Variants in BCKDHB observed in about 807,000 individuals in gnomAD.
The protein encoded by BCKDHB is 2-oxoisovalerate dehydrogenase subunit beta, mitochondrial.
Under a neutral mutation model 48.5 loss-of-function variants are expected in BCKDHB, and 41 were observed. That is an observed-to-expected ratio of 0.85 (90% CI 0.66 to 1.10). The LOEUF (loss-of-function observed/expected upper bound fraction) is 1.10. BCKDHB is among the 50% of genes least tolerant of loss of function. The pLI is 0.00. For synonymous variants in BCKDHB, 201 were observed against 174.8 expected, an observed-to-expected ratio of 1.15 and a Z score of -1.18; for missense variants, 496 against 494.2, an observed-to-expected ratio of 1.00 and a Z score of -0.03.
At chr6:80,278,588 C>T (rs1235132469) in intron 9 of BCKDHB, among the ~76,000 whole-genome samples, 1 of 152,136 alleles carries the variant, frequency 6.6e-6, no homozygotes, top group Non-Finnish European at 1.5e-5. Context: ...GAGAGGGAGT[C>T]TCGCTCTGTC....
At chr6:80,386,102 C>G in the BCKDHB span, among the ~76,000 whole-genome samples, 1 of 152,146 alleles carries the variant, frequency 6.6e-6, no homozygotes, top group Non-Finnish European at 1.5e-5. Flanking sequence ...GGATTAGTCA[C>G]TTTAGACAGA....
the BCKDHB span, among the ~76,000 whole-genome samples, chr6:80,354,564 T>A: frequency 2.1e-3 from 322 of 152,198 alleles, no homozygotes; most frequent in Middle Eastern, 0.014. Context: ...ACTTTTGAGG[T>A]CTTAGTCATA....
the BCKDHB span, among the ~76,000 whole-genome samples, chr6:80,362,320 G>C: frequency 2.6e-5 from 4 of 152,182 alleles, no homozygotes; most frequent in African/African-American, 9.7e-5. Context: ...AGCCAGGATA[G>C]TAGAACTTGT....
chr6:80,199,023 T>C (rs1457714698), intron 6 of BCKDHB, among the ~76,000 whole-genome samples: 1 of 152,170 alleles, frequency 6.6e-6, no homozygotes, highest in Non-Finnish European at 1.5e-5. Flanking sequence ...GTTAGCAGTA[T>C]TCCAGAATGA....
At chr6:80,413,373 G>T in the BCKDHB span, among the ~76,000 whole-genome samples, 1 of 152,056 alleles carries the variant, frequency 6.6e-6, no homozygotes, top group Non-Finnish European at 1.5e-5. Flanking sequence ...ATGGAGGTTT[G>T]TTTTACATAT....
At chr6:80,367,966 C>G in the BCKDHB span, among the ~76,000 whole-genome samples, 2 of 152,228 alleles carry the variant, frequency 1.3e-5, no homozygotes, top group Non-Finnish European at 2.9e-5. Flanking sequence ...TAGCATTACA[C>G]TGAACTTGGA....
chr6:80,397,734 T>C, the BCKDHB span, among the ~76,000 whole-genome samples: 1 of 152,018 alleles, frequency 6.6e-6, no homozygotes, highest in Non-Finnish European at 1.5e-5. Context: ...ATACAAAAAT[T>C]AGCCAGGCAT....
chr6:80,195,147 G>A (rs958737889), intron 6 of BCKDHB, among the ~76,000 whole-genome samples: 3 of 151,496 alleles, frequency 2.0e-5, no homozygotes, highest in African/African-American at 4.8e-5. Flanking sequence ...TCTTGCCAGC[G>A]TGGACAATTC....
chr6:80,449,371 A>C, the BCKDHB span, among the ~76,000 whole-genome samples: 258 of 152,304 alleles, frequency 1.7e-3, 1 homozygote, highest in Middle Eastern at 6.8e-3. Context: ...CAAACGTGAT[A>C]ATAGACTGTG....
At chr6:80,343,137 C>T (rs977077875) in intron 9 of BCKDHB, among the ~76,000 whole-genome samples, 14 of 152,078 alleles carry the variant, frequency 9.2e-5, no homozygotes, top group Non-Finnish European at 1.9e-4. Context: ...GTGTGAGTGG[C>T]CAGAGACCCA....
intron 8 of BCKDHB, among the ~76,000 whole-genome samples, chr6:80,232,532 A>G (rs1775970667): frequency 1.3e-5 from 2 of 151,324 alleles, no homozygotes; most frequent in Non-Finnish European, 2.9e-5. Context: ...AGTTATATAC[A>G]TACATGTTTA....
intron 3 of BCKDHB, among the ~76,000 whole-genome samples, chr6:80,162,638 G>C (rs960778527): frequency 5.3e-5 from 8 of 152,072 alleles, no homozygotes; most frequent in African/African-American, 1.9e-4. Flanking sequence ...ATCACCTGAG[G>C]TCAGGAGTTT....
intron 1 of BCKDHB, among the ~76,000 whole-genome samples, chr6:80,112,017 G>A (rs1384197893): frequency 6.6e-6 from 1 of 152,160 alleles, no homozygotes; most frequent in Non-Finnish European, 1.5e-5. Context: ...GTACTCCAGT[G>A]CCAGCTTGTT....
chr6:80,259,151 A>G lies in BCKDHB; in HGVS notation c.952-13984A>G, dbSNP rs890947457. ...ACCTTTGACATTTTCTAGATTAGATATTGGACTCTTTGATGGTTGCAGCTT... is the reference window on the plus strand; with the variant it reads ...ACCTTTGACATTTTCTAGATTAGATGTTGGACTCTTTGATGGTTGCAGCTT... On this transcript the variant is annotated intron_variant, in intron 8 of 9. Coordinates refer to ENST00000320393, the MANE Select transcript of BCKDHB (RefSeq NM_183050.4). Among the ~76,000 whole-genome samples the G allele has an allele frequency of 1.4e-4, 21 of 152,180 alleles. 1 individual carries two copies. The highest frequency in any genetic ancestry group is 3.9e-4 in the African/African-American group (16 of 41,438).
At chr6:80,394,564 A>G in the BCKDHB span, among the ~76,000 whole-genome samples, 1 of 152,036 alleles carries the variant, frequency 6.6e-6, no homozygotes, top group South Asian at 2.1e-4. Flanking sequence ...TCAACCTCTC[A>G]TGATCCTAGG....
chr6:80,345,976 A>T lies in BCKDHB; in HGVS notation c.*2172A>T, dbSNP rs1177463408. 6.6e-6 allele frequency: 1 copy of T among 152,224 alleles called. No individual in the cohort carries two copies. Among genetic ancestry groups the T allele is most frequent in the African/African-American group, 2.4e-5 (1 of 41,466 alleles). 9.4% of individuals were successfully genotyped at this position (152,224 alleles called of 1,614,324 possible). ...GAAAGTCTATAATTTATTTTACAGA[A>T]AAGCTGGAAGATTATGACTAGATAT... On this transcript the variant is annotated 3_prime_UTR_variant, in exon 10 of 10. Transcript: ENST00000320393.
At chr6:80,228,146 G>A (rs1371417450) in intron 8 of BCKDHB, among the ~76,000 whole-genome samples, 1 of 152,206 alleles carries the variant, frequency 6.6e-6, no homozygotes, top group Non-Finnish European at 1.5e-5. Flanking sequence ...GGAAATGCCT[G>A]GATGGACCAA....
At chr6:80,361,003 C>CA in the BCKDHB span, among the ~76,000 whole-genome samples, 57,513 of 117,556 alleles carry the variant, frequency 0.49, 14,320 homozygotes, top group Non-Finnish European at 0.54. Flanking sequence ...GACTCCATCT[C>CA]AAAAAAAAAA....
intron 9 of BCKDHB, among the ~76,000 whole-genome samples, chr6:80,296,498 G>T (rs1767257395): frequency 6.6e-6 from 1 of 152,172 alleles, no homozygotes; most frequent in Non-Finnish European, 1.5e-5. Context: ...ACTCCTGTAT[G>T]ATTTTAATAT....
Sources: allele counts gnomAD v4.1 joint callset (sites outside exome capture counted in the v4.1 genomes callset), GRCh38; gene constraint gnomAD v4.1.1; transcripts MANE v1.5; gene names NCBI Gene and HGNC (gene_info 2026-07-23, HGNC 2026-07-21).